The following CSMD1 variants were observed in gnomAD, a reference collection of about 807,000 sequenced individuals.
CSMD1 encodes CUB and Sushi multiple domains 1, also known as CUB and sushi domain-containing protein 1.
In CSMD1, 213 loss-of-function variants were observed where a neutral mutation model predicts 417.5. That is an observed-to-expected ratio of 0.51 (90% CI 0.46 to 0.57). The LOEUF is 0.57. Ranked by LOEUF, CSMD1 falls within the 20% of genes least tolerant of loss-of-function variation. The pLI is 0.00. For synonymous variants in CSMD1, 2,862 were observed against 1,736.8 expected (o/e 1.65, Z -16.11); for missense variants, 6,923 against 4,529.7 (o/e 1.53, Z -15.17).
intron 3 of CSMD1, among the ~76,000 whole-genome samples, chr8:4,260,742 GTTTAAACAATTTA>G (rs1193966087): frequency 1.3e-5 from 2 of 152,046 alleles, no homozygotes; most frequent in Non-Finnish European, 2.9e-5. Flanking sequence ...ATCATACTTG[GTTTAAACAATTTA>G]GGCTAAGTTA....
Position 4,984,570 on chromosome 8 carries a change from T to C in CSMD1, c.85+9762A>G, listed in dbSNP as rs367639298. 1.6e-4 allele frequency among the ~76,000 whole-genome samples: 25 copies of C among 152,352 alleles called. No homozygotes were observed. In the East Asian group the frequency reaches 2.7e-3, roughly 16 times the overall value. ...CGGCTGCTTCTCCTCAACATCCTCA[T>C]CTTCAGTTCATGATGTTGTTCCTGT... On this transcript the variant is annotated intron_variant, in intron 1 of 69. Transcript: ENST00000635120.
chr8:3,308,606 G>GGGAGAAAA, intron 23 of CSMD1, 103 bp from the exon 24 acceptor site: 1 of 868,588 alleles, frequency 1.2e-6, no homozygotes, highest in East Asian at 2.7e-5. Flanking sequence ...TTGAAGGGTA[G>GGGAGAAAA]GGAGAAAAAA....
rs10481357 is a variant in CSMD1, at chr8:4,855,178, C to T, written c.85+139154G>A. ...CACTGACACCTCACACGGCAGGGTA[C>T]TCCAACAGACCTGCAGCTGACGGTC... On this transcript the variant is annotated intron_variant, in intron 1 of 69. Transcript: ENST00000635120. Among the ~76,000 whole-genome samples the T allele has an allele frequency of 5.7e-3, 823 of 143,378 alleles. 12 individuals carry two copies. Among genetic ancestry groups the T allele is most frequent in the East Asian group, 0.04 (125 of 3,130 alleles). 94.1% of individuals were successfully genotyped at this position (143,378 alleles called of 152,430 possible).
chr8:3,245,138 G>T (rs1406219166), intron 26 of CSMD1, among the ~76,000 whole-genome samples: 1 of 152,198 alleles, frequency 6.6e-6, no homozygotes, highest in Non-Finnish European at 1.5e-5. Flanking sequence ...TGCATTAATT[G>T]AGTTTGTATT....
At chr8:4,797,769 C>T (rs754397145) in intron 1 of CSMD1, among the ~76,000 whole-genome samples, 4 of 152,126 alleles carry the variant, frequency 2.6e-5, no homozygotes, top group Non-Finnish European at 5.9e-5. Flanking sequence ...TTTATAAATG[C>T]TGAGACTAAT....
chr8:4,362,009 T>C (rs539757266), intron 3 of CSMD1, among the ~76,000 whole-genome samples: 11 of 152,002 alleles, frequency 7.2e-5, no homozygotes, highest in African/African-American at 2.4e-4. Flanking sequence ...TATCCTTAGA[T>C]TAAGAAAAAG....
intron 1 of CSMD1, among the ~76,000 whole-genome samples, chr8:4,918,330 T>C (rs1286475100): frequency 6.6e-6 from 1 of 152,214 alleles, no homozygotes; most frequent in South Asian, 2.1e-4. Flanking sequence ...TATTGCCTTC[T>C]CTCTCTTTTC....
intron 3 of CSMD1, among the ~76,000 whole-genome samples, chr8:4,355,126 G>C (rs1407362981): frequency 1.3e-5 from 2 of 151,950 alleles, no homozygotes; most frequent in South Asian, 2.1e-4. Flanking sequence ...GCCGGGCGTG[G>C]TGGCGGGCGC....
At chr8:3,590,736 A>C (rs556148459) in intron 8 of CSMD1, among the ~76,000 whole-genome samples, 1 of 152,320 alleles carries the variant, frequency 6.6e-6, no homozygotes, top group South Asian at 2.1e-4. Context: ...AATGTGGGTA[A>C]ACGCCATTCC....
rs1442730460 is a variant in CSMD1, at chr8:4,460,899, G to T, written c.303-40834C>A. On this transcript the variant is annotated intron_variant, in intron 2 of 69. Transcript: ENST00000635120. ...AAATTCTTTCCAAAAATAGAAGAGG[G>T]ATCACATTCCAACTTATTTTATAAG... 2.0e-5 allele frequency among the ~76,000 whole-genome samples: 3 copies of T among 152,044 alleles called. No individual in the cohort carries two copies. In the East Asian group the frequency reaches 5.8e-4, roughly 29 times the overall value.
At chr8:3,400,295 T>G (rs1007325575) in intron 15 of CSMD1, among the ~76,000 whole-genome samples, 1 of 152,194 alleles carries the variant, frequency 6.6e-6, no homozygotes, top group African/African-American at 2.4e-5. Context: ...CTCTCAAAAT[T>G]ATTTGCCATT....
chr8:4,320,525 C>T (rs1258713460), intron 3 of CSMD1, among the ~76,000 whole-genome samples: 2 of 151,910 alleles, frequency 1.3e-5, no homozygotes, highest in Non-Finnish European at 2.9e-5. Context: ...CACCCCCCAA[C>T]AGGCCCCAGT....
intron 7 of CSMD1, among the ~76,000 whole-genome samples, chr8:3,627,443 A>T (rs1461771815): frequency 6.6e-6 from 1 of 152,194 alleles, no homozygotes; most frequent in Non-Finnish European, 1.5e-5. Flanking sequence ...ATTAACATGC[A>T]CTGAGAAGAC....
At chr8:4,732,554 T>C (rs1292811336) in intron 1 of CSMD1, among the ~76,000 whole-genome samples, 2 of 152,114 alleles carry the variant, frequency 1.3e-5, no homozygotes, top group Non-Finnish European at 2.9e-5. Context: ...ATTTTATTTG[T>C]ACTAATGGAA....
chr8:3,683,698 G>A (rs7844132), intron 7 of CSMD1, among the ~76,000 whole-genome samples: 119,141 of 152,124 alleles, frequency 0.78, 47,129 homozygotes, highest in African/African-American at 0.88. Flanking sequence ...ACACTAGACA[G>A]AAAGAGGCTC....
chr8:3,596,633 C>A (rs866619002), intron 8 of CSMD1, among the ~76,000 whole-genome samples: 1 of 152,118 alleles, frequency 6.6e-6, no homozygotes. Context: ...CAAAACTTTG[C>A]AATTTTTTTT....
At chr8:3,903,288 ATG>A (rs1339249061) in intron 5 of CSMD1, among the ~76,000 whole-genome samples, 3 of 151,326 alleles carry the variant, frequency 2.0e-5, no homozygotes, top group African/African-American at 7.3e-5. Flanking sequence ...TGTCCCACCC[ATG>A]TGTTTTTAGA....
intron 2 of CSMD1, among the ~76,000 whole-genome samples, chr8:4,629,069 T>G (rs914480262): frequency 6.6e-6 from 1 of 152,196 alleles, no homozygotes; most frequent in Non-Finnish European, 1.5e-5. Flanking sequence ...GAGTTATTGA[T>G]AGTCTACATT....
intron 49 of CSMD1, among the ~76,000 whole-genome samples, chr8:3,071,080 G>C (rs1365665919): frequency 6.6e-6 from 1 of 152,098 alleles, no homozygotes; most frequent in Non-Finnish European, 1.5e-5. Flanking sequence ...GGGTGGGGAT[G>C]CCACACACCC....
Sources: allele counts gnomAD v4.1 joint callset (sites outside exome capture counted in the v4.1 genomes callset), GRCh38; gene constraint gnomAD v4.1.1; transcripts MANE v1.5; gene names NCBI Gene and HGNC (gene_info 2026-07-23, HGNC 2026-07-21).